The following TRMT11 variants were observed in gnomAD, a reference collection of about 807,000 sequenced individuals.
TRMT11 encodes tRNA methyltransferase 11.
Under a neutral mutation model 62.8 loss-of-function variants are expected in TRMT11, and 53 were observed. That is an observed-to-expected ratio of 0.84 (90% CI 0.68 to 1.06). The LOEUF (loss-of-function observed/expected upper bound fraction) is 1.06, where lower values mean the gene tolerates loss of function less well. TRMT11 is among the 50% of genes least tolerant of loss of function. The probability of loss-of-function intolerance (pLI) is 0.00; values close to 1 mark genes in which losing one functional copy is unlikely to be tolerated. For missense variants in TRMT11, 556 were observed against 553.4 expected (o/e 1.00, Z -0.05); for synonymous variants, 188 against 190.3 (o/e 0.99, Z 0.10).
At chr6:126,151,813 T>TCTTTCTTTCTTG (rs1778046842) in intron 21 of TRMT11, among the ~76,000 whole-genome samples, 1 of 99,570 alleles carries the variant, frequency 1.0e-5, no homozygotes, top group South Asian at 3.3e-4. Flanking sequence ...GTCTTTTCTT[T>TCTTTCTTTCTTG]CTTTCTTTCT....
At chr6:126,159,874 G>A (rs981541171) in intron 21 of TRMT11, among the ~76,000 whole-genome samples, 17 of 151,884 alleles carry the variant, frequency 1.1e-4, no homozygotes, top group African/African-American at 4.1e-4. Context: ...TCTCTCTCTT[G>A]TTTTTCAAAT....
the TRMT11 span, among the ~76,000 whole-genome samples, chr6:126,266,337 G>T: frequency 3.3e-5 from 5 of 152,144 alleles, no homozygotes; most frequent in Admixed American, 3.3e-4. Flanking sequence ...TCACTTATTA[G>T]CATGTTCCTA....
chr6:126,048,653 TATAGAC>T (rs1187648313), intron 16 of TRMT11, among the ~76,000 whole-genome samples: 2 of 152,162 alleles, frequency 1.3e-5, no homozygotes, highest in Non-Finnish European at 2.9e-5. Context: ...CATCCGCTGT[TATAGAC>T]AGGACACAAG....
intron 3 of TRMT11, among the ~76,000 whole-genome samples, chr6:126,200,182 G>A (rs1480832709): frequency 6.6e-6 from 1 of 152,192 alleles, no homozygotes; most frequent in African/African-American, 2.4e-5. Flanking sequence ...ACAAGAAAGA[G>A]TTTATCAAGT....
chr6:125,996,178 G>GGGGACCAGA lies in TRMT11; in HGVS notation c.212+141_212+149dup, dbSNP rs1280123047. 27 of 565,034 alleles carry GGGGACCAGA rather than the reference G, an allele frequency of 4.8e-5. No individual in the cohort carries two copies. The Middle Eastern group carries it at 8.0e-4, about 17-fold the overall frequency. 35.0% of individuals were successfully genotyped at this position (565,034 alleles called of 1,614,324 possible). On this transcript the variant is annotated intron_variant, in intron 3 of 12. Coordinates refer to ENST00000334379, the MANE Select transcript of TRMT11 (RefSeq NM_001031712.3). ...ATACAACTGCCACTGGGTGGCGGTG[G>GGGGACCAGA]GGGACCAGAGGAGGGTTACCTGCCG...
chr6:126,077,555 T>C (rs967687329), intron 17 of TRMT11, among the ~76,000 whole-genome samples: 10 of 152,168 alleles, frequency 6.6e-5, no homozygotes, highest in African/African-American at 2.4e-4. Context: ...GGAACACAGA[T>C]TACCTCAAGT....
At chr6:126,270,085 T>G in the TRMT11 span, among the ~76,000 whole-genome samples, 4 of 152,180 alleles carry the variant, frequency 2.6e-5, no homozygotes, top group Non-Finnish European at 5.9e-5. Flanking sequence ...ACAAGCAGTA[T>G]TTCAAATATA....
At chr6:126,066,013 C>T (rs960972478) in intron 17 of TRMT11, among the ~76,000 whole-genome samples, 1 of 152,232 alleles carries the variant, frequency 6.6e-6, no homozygotes, top group African/African-American at 2.4e-5. Flanking sequence ...TAGCTATTTA[C>T]ATTTGCATGG....
intron 7 of TRMT11, among the ~76,000 whole-genome samples, chr6:126,003,615 A>G (rs998685992): frequency 1.2e-4 from 18 of 152,148 alleles, no homozygotes; most frequent in African/African-American, 3.9e-4. Flanking sequence ...GTTAATTTGT[A>G]TGTCTATGGT....
the TRMT11 span, among the ~76,000 whole-genome samples, chr6:126,245,899 A>G: frequency 3.3e-5 from 5 of 152,190 alleles, no homozygotes; most frequent in African/African-American, 1.2e-4. Flanking sequence ...GGAGTTCAAG[A>G]CCAGCTTAGG....
rs148627380 is a variant in TRMT11, at chr6:126,131,760, G to C, written c.*1823+15905G>C. Among the ~76,000 whole-genome samples the C allele has an allele frequency of 9.8e-4, 149 of 151,688 alleles. 3 individuals carry two copies. In the East Asian group the frequency reaches 0.026, roughly 26 times the overall value. ...CTAGCAAATTAATTCAGATCACAATGCTTTTTGTGATGAATTTTAAAACAT... is the reference window on the plus strand; with the variant it reads ...CTAGCAAATTAATTCAGATCACAATCCTTTTTGTGATGAATTTTAAAACAT... On this transcript the variant is annotated intron_variant and NMD_transcript_variant, in intron 21 of 22. Transcript: ENST00000648977.
At chr6:126,192,369 G>T (rs1778613310) in intron 1 of TRMT11, among the ~76,000 whole-genome samples, 1 of 152,054 alleles carries the variant, frequency 6.6e-6, no homozygotes, top group South Asian at 2.1e-4. Flanking sequence ...ATAAATATAA[G>T]ATCATGTCTT....
At chr6:125,992,177 C>T (rs1437826116) in intron 1 of TRMT11, among the ~76,000 whole-genome samples, 1 of 152,184 alleles carries the variant, frequency 6.6e-6, no homozygotes, top group African/African-American at 2.4e-5. Flanking sequence ...TATTTATTCT[C>T]AGTTTTAGGT....
chr6:126,015,866 C>CTGA (rs1173044881), intron 11 of TRMT11, among the ~76,000 whole-genome samples: 3 of 152,164 alleles, frequency 2.0e-5, no homozygotes, highest in African/African-American at 4.8e-5. Context: ...CCGGGGCCAT[C>CTGA]TGATGTTTCT....
At chr6:126,108,969 G>A (rs185842911) in intron 17 of TRMT11, among the ~76,000 whole-genome samples, 3 of 152,176 alleles carry the variant, frequency 2.0e-5, no homozygotes, top group East Asian at 3.9e-4. Flanking sequence ...AAAAAGTTAC[G>A]AGTACAGGGA....
chr6:126,048,415 A>C (rs1300146836), intron 16 of TRMT11, among the ~76,000 whole-genome samples: 1 of 152,182 alleles, frequency 6.6e-6, no homozygotes, highest in Non-Finnish European at 1.5e-5. Flanking sequence ...GGTTTGATCC[A>C]CCACTTGGAA....
chr6:126,009,884 C>T (rs1338598088), intron 8 of TRMT11, among the ~76,000 whole-genome samples: 1 of 151,994 alleles, frequency 6.6e-6, no homozygotes, highest in Non-Finnish European at 1.5e-5. Context: ...TTGTAACCTT[C>T]AGTCTACTGG....
chr6:126,144,344 T>A (rs1405862668), intron 21 of TRMT11, among the ~76,000 whole-genome samples: 1 of 152,152 alleles, frequency 6.6e-6, no homozygotes, highest in Non-Finnish European at 1.5e-5. Context: ...TTGGAAAAAA[T>A]TGGCGTGAAT....
At chr6:126,035,196 A>G (rs1354257522) in intron 12 of TRMT11, among the ~76,000 whole-genome samples, 1 of 152,090 alleles carries the variant, frequency 6.6e-6, no homozygotes, top group African/African-American at 2.4e-5. Flanking sequence ...GTATGATTAT[A>G]TGTGATATGT....
Sources: allele counts gnomAD v4.1 joint callset (sites outside exome capture counted in the v4.1 genomes callset), GRCh38; gene constraint gnomAD v4.1.1; transcripts MANE v1.5; gene names NCBI Gene and HGNC (gene_info 2026-07-23, HGNC 2026-07-21).